PLA2G4E: variants seen among roughly 807,000 people sequenced by gnomAD.
PLA2G4E encodes the protein phospholipase A2 group IVE.
PLA2G4E carries 84 observed loss-of-function variants against 109.1 expected under a neutral mutation model. That is an observed-to-expected ratio of 0.77 (90% CI 0.65 to 0.92). The LOEUF (loss-of-function observed/expected upper bound fraction) is 0.92, where lower values mean the gene tolerates loss of function less well. PLA2G4E is among the 40% of genes least tolerant of loss of function. The pLI is 0.00. For missense variants in PLA2G4E, 1,057 were observed against 1,076.6 expected, an observed-to-expected ratio of 0.98 and a Z score of 0.25; for synonymous variants, 469 against 436.1, an observed-to-expected ratio of 1.08 and a Z score of -0.94.
intron 4 of PLA2G4E, among the ~76,000 whole-genome samples, chr15:42,005,612 C>G (rs996779128): frequency 6.6e-6 from 1 of 152,248 alleles, no homozygotes; most frequent in African/African-American, 2.4e-5. Flanking sequence ...CATCTGTCCT[C>G]TGTTCCTGGG....
At chr15:41,988,308 T>C (rs1420983964) in intron 15 of PLA2G4E, among the ~76,000 whole-genome samples, 152 bp from the exon 16 acceptor site, 1 of 136,808 alleles carries the variant, frequency 7.3e-6, no homozygotes, top group South Asian at 2.4e-4. Context: ...CCTTCTCCCC[T>C]TCCCACTGCA....
Position 42,010,132 on chromosome 15 carries a change from G to C in PLA2G4E, c.257-2267C>G, listed in dbSNP as rs55746726. ...TTCCCTTGGCTTTTCCAGAACACTG[G>C]CCCCCCCACCCCGGGCCTGGACCAC... On this transcript the variant is annotated intron_variant, in intron 2 of 19. Transcript: ENST00000399518. The C allele has an allele frequency of 3.4e-3, 1,465 of 427,164 alleles. 73 individuals are homozygous for C. In the African/African-American group the frequency reaches 0.036, roughly 11 times the overall value. The allele number at this position is 427,164 out of a possible 1,614,324, so 26.5% of individuals were successfully genotyped here. A position where few individuals can be genotyped will look rare whatever the true frequency, so the allele number is the denominator to read the frequency against.
At chr15:42,006,033 C>T in exon 4 of PLA2G4E, 3 of 1,613,972 alleles carry the variant, frequency 1.9e-6, no homozygotes, top group Non-Finnish European at 2.5e-6. Context: ...CTTTCGGAAA[C>T]AGAGCTTGGT....
Position 42,010,142 on chromosome 15 carries a change from C to CCCCCG in PLA2G4E, c.257-2278_257-2277insCGGGG, listed in dbSNP as rs139522193. 1,100 of 457,144 alleles carry CCCCCG rather than the reference C, an allele frequency of 2.4e-3. 40 individuals are homozygous for CCCCCG. The highest frequency in any genetic ancestry group is 8.8e-3 in the South Asian group (460 of 52,050). 28.3% of individuals were successfully genotyped at this position (457,144 alleles called of 1,614,324 possible). A position where few individuals can be genotyped will look rare whatever the true frequency, so the allele number is the denominator to read the frequency against. On this transcript the variant is annotated intron_variant, in intron 2 of 19. Coordinates refer to ENST00000399518, the Ensembl canonical transcript of PLA2G4E. The stretch of plus-strand genomic sequence containing the variant: ...TTTTCCAGAACACTGGCCCCCCCAC[C>CCCCCG]CCGGGCCTGGACCACACCCTTCAGG...
rs570718737 is a variant in PLA2G4E at position 42,016,088 on chromosome 15, A to G, written c.184-2331T>C. 2.0e-5 allele frequency among the ~76,000 whole-genome samples: 3 copies of G among 151,780 alleles called. No individual in the cohort carries two copies. In the East Asian group the frequency reaches 5.8e-4, roughly 29 times the overall value. On this transcript the variant is annotated intron_variant, in intron 1 of 19. Transcript: ENST00000399518. ...CTCGACATGCGACCCTGAATGTTCTACTCCGTGTTGCCAGAATCACTTTAT... is the reference window on the plus strand; with the variant it reads ...CTCGACATGCGACCCTGAATGTTCTGCTCCGTGTTGCCAGAATCACTTTAT...
chr15:42,000,089 T>C lies in PLA2G4E; in HGVS notation c.852+15A>G, dbSNP rs750726332. On this transcript the variant is annotated intron_variant, in intron 8 of 19. Transcript: ENST00000399518. The stretch of plus-strand genomic sequence containing the variant: ...CCAGTCCCCCACACCTCCCCCAGTG[T>C]CAGCCGCCTTGTACCCCACAGCTCC... 13 of 1,578,066 alleles carry C rather than the reference T, an allele frequency of 8.2e-6. No individual in the cohort carries two copies. In the Admixed American group the frequency reaches 2.4e-4, roughly 29 times the overall value.
At chr15:41,994,679 A>C (rs1480778116) in intron 12 of PLA2G4E, among the ~76,000 whole-genome samples, 4 of 152,000 alleles carry the variant, frequency 2.6e-5, no homozygotes, top group African/African-American at 9.7e-5. Flanking sequence ...AAAAATATTA[A>C]AATTTATATT....
At chr15:41,990,719 T>TCCCCC (rs2068230614) in intron 13 of PLA2G4E, among the ~76,000 whole-genome samples, 1 of 66,764 alleles carries the variant, frequency 1.5e-5, no homozygotes, top group Non-Finnish European at 3.1e-5. Flanking sequence ...TGCCCTCCCC[T>TCCCCC]CCCTCCCTCC....
intron 1 of PLA2G4E, among the ~76,000 whole-genome samples, chr15:42,021,506 G>A (rs559813331): frequency 8.7e-4 from 131 of 150,524 alleles, no homozygotes; most frequent in African/African-American, 3.0e-3. Context: ...TGGGGTCCCT[G>A]GCCACAACTC....
chr15:42,036,232 C>A (rs949538781), intron 1 of PLA2G4E, among the ~76,000 whole-genome samples: 1 of 152,204 alleles, frequency 6.6e-6, no homozygotes, highest in African/African-American at 2.4e-5. Flanking sequence ...CAGCCCACCG[C>A]CCTGGGGGCC....
Position 42,050,687 on chromosome 15 carries a change from G to T in PLA2G4E, c.17C>A (p.Ser6Ter), listed in dbSNP as rs981847626. 23 of 1,550,240 alleles carry T rather than the reference G, an allele frequency of 1.5e-5. No homozygotes were observed. Among genetic ancestry groups the T allele is most frequent in the Non-Finnish European group, 2.0e-5 (23 of 1,146,954 alleles). The change falls in exon 1 of 20, where the codon TCG becomes TAG. Residue 6 changes from serine (S) to a stop codon, truncating the protein, a stop_gained. Coordinates refer to ENST00000399518, the Ensembl canonical transcript of PLA2G4E. LOFTEE classifies it high-confidence loss of function. The stretch of plus-strand genomic sequence containing the variant: ...AGTTCCCAGGCCAGGACAGCCTTCC[G>T]AGGCCTGGAGACTCATCCCAGCCTC...
chr15:42,010,194 C>T, intron 2 of PLA2G4E: 1 of 528,156 alleles, frequency 1.9e-6, no homozygotes. Flanking sequence ...TGGGAGCCTG[C>T]AGGCAGGGTG....
At chr15:42,031,050 C>T (rs1432708949) in intron 1 of PLA2G4E, among the ~76,000 whole-genome samples, 2 of 152,148 alleles carry the variant, frequency 1.3e-5, no homozygotes, top group Non-Finnish European at 1.5e-5. Flanking sequence ...TCACTGCAGC[C>T]TTGACCTCCC....
chr15:41,998,468 A>G (rs988099656), intron 10 of PLA2G4E: 7 of 152,164 alleles, frequency 4.6e-5, no homozygotes, highest in African/African-American at 1.4e-4. Flanking sequence ...TATTCTCCCA[A>G]TGTACAGATG....
chr15:42,022,850 A>G (rs1013910338), intron 1 of PLA2G4E, among the ~76,000 whole-genome samples: 1 of 152,152 alleles, frequency 6.6e-6, no homozygotes, highest in South Asian at 2.1e-4. Context: ...CCACACAACT[A>G]AGAACTGGCT....
chr15:42,020,743 C>A (rs943396064), intron 1 of PLA2G4E, among the ~76,000 whole-genome samples, 192 bp downstream of exon 1: 1 of 152,232 alleles, frequency 6.6e-6, no homozygotes, highest in Non-Finnish European at 1.5e-5. Flanking sequence ...CTGGCCCCAA[C>A]TGGGATAAAC....
At chr15:41,990,037 G>A in intron 14 of PLA2G4E, 84 bp downstream of exon 14, 2 of 1,000,766 alleles carry the variant, frequency 2.0e-6, no homozygotes, top group Non-Finnish European at 3.1e-6. Context: ...GTGGGATTGG[G>A]GGACCTGGAG....
At chr15:42,028,384 C>CTTATTTAT (rs59541409) in intron 1 of PLA2G4E, among the ~76,000 whole-genome samples, 1,609 of 25,734 alleles carry the variant, frequency 0.063, 36 homozygotes, top group African/African-American at 0.16. Flanking sequence ...TATTTATTTA[C>CTTATTTAT]TTATTTATTT....
exon 3 of PLA2G4E, chr15:42,007,744 G>C (rs752672396): frequency 1.2e-6 from 2 of 1,612,532 alleles, no homozygotes; most frequent in South Asian, 1.1e-5. Context: ...CTCGGCTCTG[G>C]ATCTGGAAGT....
Sources: gnomAD v4.1 joint callset for allele counts (sites outside exome capture counted in the v4.1 genomes callset) on GRCh38, gnomAD v4.1.1 for gene constraint, MANE v1.5 for transcripts, NCBI Gene and HGNC (gene_info 2026-07-23, HGNC 2026-07-21) for gene names.